The following PPM1H variants were observed in gnomAD, a reference collection of about 807,000 sequenced individuals.
The protein encoded by PPM1H is protein phosphatase 1H.
A neutral mutation model predicts 54.9 loss-of-function variants in PPM1H; 27 were observed. That is an observed-to-expected ratio of 0.49 (90% confidence interval 0.36 to 0.68). The LOEUF (loss-of-function observed/expected upper bound fraction) is 0.68. PPM1H is among the 30% of genes least tolerant of loss of function. The pLI, the probability that PPM1H is intolerant of heterozygous loss-of-function variation, is 0.00. For missense variants in PPM1H, 596 were observed against 667.8 expected (o/e 0.89, Z 1.19); for synonymous variants, 305 against 270.8 (o/e 1.13, Z -1.24).
chr12:62,765,881 G>C (rs961539004), intron 4 of PPM1H, among the ~76,000 whole-genome samples: 1 of 152,228 alleles, frequency 6.6e-6, no homozygotes, highest in Non-Finnish European at 1.5e-5. Context: ...TACCTGGTCT[G>C]GCATTGCCAG....
At chr12:62,846,900 T>A (rs1868992124) in intron 1 of PPM1H, among the ~76,000 whole-genome samples, 1 of 152,216 alleles carries the variant, frequency 6.6e-6, no homozygotes, top group African/African-American at 2.4e-5. Context: ...TTGTGTGTCT[T>A]GGGGAGGTTA....
At chr12:62,781,326 G>A (rs2076640748) in intron 4 of PPM1H, among the ~76,000 whole-genome samples, 1 of 152,212 alleles carries the variant, frequency 6.6e-6, no homozygotes, top group Non-Finnish European at 1.5e-5. Context: ...GGTACAGGCA[G>A]GTCGCCCCCG....
chr12:62,912,838 C>T (rs1057390457), intron 1 of PPM1H, among the ~76,000 whole-genome samples: 4 of 152,228 alleles, frequency 2.6e-5, no homozygotes, highest in African/African-American at 9.6e-5. Flanking sequence ...CCCAGCTGTT[C>T]CTAGGTATTG....
At chr12:62,877,584 T>C (rs141788878) in intron 1 of PPM1H, among the ~76,000 whole-genome samples, 109 of 152,316 alleles carry the variant, frequency 7.2e-4, no homozygotes, top group Middle Eastern at 3.4e-3. Flanking sequence ...GAAATATATA[T>C]GATTTTCCTC....
chr12:62,760,407 C>A, intron 4 of PPM1H, among the ~76,000 whole-genome samples: 1 of 152,116 alleles, frequency 6.6e-6, no homozygotes, highest in Admixed American at 6.5e-5. Context: ...CACCTCCTCC[C>A]CAGGCTGCTC....
rs189383104 is a variant in PPM1H, at chr12:62,657,599, C to G, written c.1398-8963G>C. Among the ~76,000 whole-genome samples, 5 of 152,206 alleles carry G rather than the reference C, an allele frequency of 3.3e-5. No homozygotes were observed. In the East Asian group the frequency reaches 9.7e-4, roughly 29 times the overall value. ...ACACTCATGAATTTGTTCTTAAAACCAGTAATTGGTATGGTGAAAAGTGGA... is the reference window on the plus strand; with the variant it reads ...ACACTCATGAATTTGTTCTTAAAACGAGTAATTGGTATGGTGAAAAGTGGA... On this transcript the variant is annotated intron_variant, in intron 9 of 9. Coordinates refer to ENST00000228705, the MANE Select transcript of PPM1H (RefSeq NM_020700.2).
At chr12:62,774,543 T>A (rs12310630) in intron 4 of PPM1H, among the ~76,000 whole-genome samples, 3,183 of 152,220 alleles carry the variant, frequency 0.021, 110 homozygotes, top group African/African-American at 0.073. Flanking sequence ...GATCTCATCA[T>A]GTTGCCCAGA....
chr12:62,708,118 G>A lies in PPM1H; in HGVS notation c.1073+12053C>T, dbSNP rs756842975. On this transcript the variant is annotated intron_variant, in intron 6 of 9. Coordinates refer to ENST00000228705, the MANE Select transcript of PPM1H (RefSeq NM_020700.2). ...GACAACACACTAGTTCTGAAACACCGCTGGCATCTTTGTTATCAGCCTTCC... is the reference window on the plus strand; with the variant it reads ...GACAACACACTAGTTCTGAAACACCACTGGCATCTTTGTTATCAGCCTTCC... Among the ~76,000 whole-genome samples, 4 of 152,210 alleles carry A rather than the reference G, an allele frequency of 2.6e-5. 1 individual carries two copies. Among genetic ancestry groups the A allele is most frequent in the African/African-American group, 9.6e-5 (4 of 41,458 alleles).
chr12:62,860,476 C>T (rs150065108), intron 1 of PPM1H, among the ~76,000 whole-genome samples: 1 of 152,196 alleles, frequency 6.6e-6, no homozygotes, highest in East Asian at 1.9e-4. Flanking sequence ...AGAAACAAAA[C>T]AGGCACAAAG....
intron 5 of PPM1H, among the ~76,000 whole-genome samples, chr12:62,734,874 C>T (rs565395130): frequency 6.6e-6 from 1 of 152,072 alleles, no homozygotes; most frequent in Admixed American, 6.6e-5. Context: ...GAGACCCCCC[C>T]ATCTCTACAA....
At chr12:62,924,433 T>G (rs1666906) in intron 1 of PPM1H, among the ~76,000 whole-genome samples, 132,908 of 152,032 alleles carry the variant, frequency 0.87, 59,510 homozygotes, top group Non-Finnish European at 0.98. Flanking sequence ...AGCATTTAGA[T>G]CAAATTTCTT....
intron 3 of PPM1H, among the ~76,000 whole-genome samples, chr12:62,789,415 G>A (rs536570225): frequency 2.3e-4 from 35 of 152,114 alleles, no homozygotes; most frequent in Non-Finnish European, 3.8e-4. Flanking sequence ...GACTTATAGG[G>A]CAAAGACTTA....
chr12:62,742,261 TCC>T (rs2076385734), intron 4 of PPM1H, among the ~76,000 whole-genome samples: 1 of 152,198 alleles, frequency 6.6e-6, no homozygotes, highest in Non-Finnish European at 1.5e-5. Context: ...TTTTTTCACT[TCC>T]GTTTGAACTA....
intron 9 of PPM1H, among the ~76,000 whole-genome samples, chr12:62,663,862 A>G (rs978056168): frequency 2.0e-5 from 3 of 152,126 alleles, no homozygotes; most frequent in Admixed American, 6.5e-5. Context: ...GTGGTGGCAC[A>G]TGCCTGTAAT....
chr12:62,698,727 A>G (rs1320030089), intron 6 of PPM1H, among the ~76,000 whole-genome samples: 1 of 152,158 alleles, frequency 6.6e-6, no homozygotes, highest in East Asian at 1.9e-4. Flanking sequence ...TTAGGGTTAC[A>G]TATGGAGACT....
At chr12:62,827,493 T>C (rs1868303586) in intron 2 of PPM1H, among the ~76,000 whole-genome samples, 1 of 152,194 alleles carries the variant, frequency 6.6e-6, no homozygotes, top group Non-Finnish European at 1.5e-5. Flanking sequence ...CCCACTGCCA[T>C]CACTGTCTTG....
At position 62,844,803 on chromosome 12, in the gene PPM1H, GAAT is replaced by G. The variant is rs1382561918; in HGVS notation, c.246-12527_246-12525del. Reference sequence around the variant, plus strand: ...ATAACACCCCATGGGAGAGAGACTAGAATAATGACGGTGTTCTAAGCCTGCCTA... The same window carrying G: ...ATAACACCCCATGGGAGAGAGACTAGAATGACGGTGTTCTAAGCCTGCCTA... On this transcript the variant is annotated intron_variant, in intron 1 of 9. Coordinates refer to ENST00000228705, the MANE Select transcript of PPM1H (RefSeq NM_020700.2). This position sits in a 1 kb window ranked among gnomAD's most constrained non-coding sequence, Gnocchi z 5.2. Among the ~76,000 whole-genome samples the G allele has an allele frequency of 6.6e-6, 1 of 152,178 alleles. No homozygotes were observed. Among genetic ancestry groups the G allele is most frequent in the African/African-American group, 2.4e-5 (1 of 41,458 alleles).
chr12:62,802,569 C>CTTT (rs34384026), intron 2 of PPM1H, among the ~76,000 whole-genome samples: 12 of 145,130 alleles, frequency 8.3e-5, no homozygotes, highest in Non-Finnish European at 1.5e-4. Context: ...TAACTCCCGT[C>CTTT]TTTTTTTTTT....
At chr12:62,932,726 C>T (rs1212607199) in intron 1 of PPM1H, among the ~76,000 whole-genome samples, 1 of 145,978 alleles carries the variant, frequency 6.9e-6, no homozygotes, top group Non-Finnish European at 1.5e-5. Context: ...TCTCTGCCTC[C>T]CGGGTTCAAG....
Sources: allele counts gnomAD v4.1 joint callset (sites outside exome capture counted in the v4.1 genomes callset), GRCh38; gene constraint gnomAD v4.1.1; non-coding constraint Gnocchi (gnomAD v3.1); transcripts MANE v1.5; gene names NCBI Gene and HGNC (gene_info 2026-07-23, HGNC 2026-07-21).